The following CABP2 variants were observed in gnomAD, a reference collection of about 807,000 sequenced individuals.
CABP2 encodes calcium binding protein 2, also known as calcium-binding protein 2.
A neutral mutation model predicts 28.6 loss-of-function variants in CABP2; 25 were observed. That is an observed-to-expected ratio of 0.87 (90% confidence interval 0.64 to 1.22). The LOEUF is 1.22. Among genes scored for constraint, CABP2 ranks in the 50% most tolerant of loss-of-function variants. CABP2 has a pLI of 0.00. For synonymous variants in CABP2, 138 were observed against 126.0 expected (o/e 1.09, Z -0.64); for missense variants, 310 against 312.2 (o/e 0.99, Z 0.05).
At chr11:67,522,468 G>A in intron 2 of CABP2, 78 bp downstream of exon 2, 1 of 1,460,590 alleles carries the variant, frequency 6.8e-7, no homozygotes, top group Non-Finnish European at 9.4e-7. Flanking sequence ...GTGGGCTGGA[G>A]TGCGAGGGGC....
chr11:67,519,014 G>T lies in CABP2; in HGVS notation c.*125C>A. 9.9e-7 allele frequency: 1 copy of T among 1,014,138 alleles called. No individual in the cohort carries two copies. The allele number at this position is 1,014,138 out of a possible 1,614,324, so 62.8% of individuals were successfully genotyped here. ...GGGGGTGAAGGCAGGCAAGGGCACT[G>T]CACACAGGTGGGATGGGGAGGAAAG... On this transcript the variant is annotated 3_prime_UTR_variant, in exon 7 of 7. Coordinates refer to ENST00000294288, the MANE Select transcript of CABP2 (RefSeq NM_016366.3).
chr11:67,521,883 TG>T, intron 3 of CABP2, 68 bp downstream of exon 3: 4 of 122,256 alleles, frequency 3.3e-5, no homozygotes, highest in East Asian at 1.5e-4. Context: ...CCCCCAACCC[TG>T]TGTCCCCACC....
Position 67,522,582 on chromosome 11 carries a change from G to A in CABP2, c.177C>T (p.Cys59=). ...SVLNSLVGPA[C]IFLRPSIAAT... The stretch of plus-strand genomic sequence containing the variant: ...CGGCAATGCTGGGCCGCAGGAAGAT[G>A]CAGGCAGGCCCCACCAGGCTGTTGA... The change falls in exon 2 of 7, where the codon TGC becomes TGT. Residue 59 remains cysteine (C), a synonymous_variant. Coordinates refer to ENST00000294288, the MANE Select transcript of CABP2 (RefSeq NM_016366.3). 6.4e-7 allele frequency: 1 copy of A among 1,554,750 alleles called. No homozygotes were observed.
rs1866698397 is a variant in CABP2 at position 67,518,984 on chromosome 11, G to A, written c.*155C>T. On this transcript the variant is annotated 3_prime_UTR_variant, in exon 7 of 7. Coordinates refer to ENST00000294288, the MANE Select transcript of CABP2 (RefSeq NM_016366.3). ...GCCAGGCGGCTTTATTGGAGAAGTGGTGGTGGGGGTGAAGGCAGGCAAGGG... is the reference window on the plus strand; with the variant it reads ...GCCAGGCGGCTTTATTGGAGAAGTGATGGTGGGGGTGAAGGCAGGCAAGGG... 4 of 696,220 alleles carry A rather than the reference G, an allele frequency of 5.7e-6. No individual in the cohort carries two copies. The Admixed American group carries it at 1.0e-4, about 17-fold the overall frequency. 43.1% of individuals were successfully genotyped at this position (696,220 alleles called of 1,614,324 possible).
At chr11:67,523,209 G>A in intron 1 of CABP2, 76 bp downstream of exon 1, 1 of 1,239,650 alleles carries the variant, frequency 8.1e-7, no homozygotes, top group Non-Finnish European at 1.2e-6. Flanking sequence ...GCCCTCGGAG[G>A]GCTCTGCCCA....
Position 67,519,957 on chromosome 11 carries a change from T to G in CABP2, c.490-17A>C. 6.2e-7 allele frequency: 1 copy of G among 1,601,718 alleles called. No individual in the cohort carries two copies. The highest frequency in any genetic ancestry group is 1.1e-5 in the South Asian group (1 of 90,730). ...GGTGTCGAACTGTGGCGGCGTTGGT[T>G]GTGGCGTCTGGTCACTGACAGTCAT... On this transcript the variant is annotated splice_polypyrimidine_tract_variant and intron_variant, in intron 5 of 6. Coordinates refer to ENST00000294288, the MANE Select transcript of CABP2 (RefSeq NM_016366.3).
intron 6 of CABP2, 103 bp downstream of exon 6, chr11:67,519,690 T>C: frequency 9.3e-7 from 1 of 1,073,034 alleles, no homozygotes. Context: ...GACATGGGAG[T>C]GCGTGGCACA....
chr11:67,521,787 T>C (rs1866750421), intron 3 of CABP2, among the ~76,000 whole-genome samples, 165 bp downstream of exon 3: 1 of 152,050 alleles, frequency 6.6e-6, no homozygotes, highest in Non-Finnish European at 1.5e-5. Context: ...CCCTGCTCAG[T>C]CTTGTCCCCA....
At position 67,521,071 on chromosome 11, in the gene CABP2, G is replaced by A. The variant is rs1866740142; in HGVS notation, c.333C>T (p.Gly111=). 2 of 1,601,022 alleles carry A rather than the reference G, an allele frequency of 1.2e-6. No individual in the cohort carries two copies. Among genetic ancestry groups the A allele is most frequent in the Non-Finnish European group, 1.7e-6 (2 of 1,173,838 alleles). The part of the protein sequence containing the change: ...RELGACMRTL[G]YMPTEMELIE... ...TGAGCTCCATCTCGGTGGGCATGTA[G>A]CCCAGGGTCCGCATGCAGGCACCCA... The change falls in exon 4 of 7, where the codon GGC becomes GGT. Residue 111 remains glycine (G), a synonymous_variant. Transcript: ENST00000294288.
At chr11:67,521,870 G>GGCCCCCCCCCCCCGGGGGGC in intron 3 of CABP2, 82 bp downstream of exon 3, 1 of 470,124 alleles carries the variant, frequency 2.1e-6, no homozygotes, top group East Asian at 3.7e-5. Context: ...CCCACCCGAT[G>GGCCCCCCCCCCCCGGGGGGC]CCCCCCCAAC....
rs1437899767 is a variant in CABP2 at position 67,519,949 on chromosome 11, G to A, written c.490-9C>T. The A allele has an allele frequency of 1.9e-6, 3 of 1,603,456 alleles. No individual in the cohort carries two copies. In the African/African-American group the frequency reaches 4.0e-5, roughly 21 times the overall value. On this transcript the variant is annotated splice_polypyrimidine_tract_variant and intron_variant, in intron 5 of 6. Transcript: ENST00000294288. The stretch of plus-strand genomic sequence containing the variant: ...TCCCCATTGGTGTCGAACTGTGGCG[G>A]CGTTGGTTGTGGCGTCTGGTCACTG...
In CABP2 at chr11:67,519,008, G is replaced by T; in HGVS notation, c.*131C>A. The T allele has an allele frequency of 1.1e-6, 1 of 900,902 alleles. No homozygotes were observed. Among genetic ancestry groups the T allele is most frequent in the African/African-American group, 1.7e-5 (1 of 60,316 alleles). 55.8% of individuals were successfully genotyped at this position (900,902 alleles called of 1,614,324 possible). ...GGTGGTGGGGGTGAAGGCAGGCAAG[G>T]GCACTGCACACAGGTGGGATGGGGA... On this transcript the variant is annotated 3_prime_UTR_variant, in exon 7 of 7. Coordinates refer to ENST00000294288, the MANE Select transcript of CABP2 (RefSeq NM_016366.3).
rs1307037723 is a variant in CABP2, at chr11:67,523,289, G to A, written c.38C>T (p.Pro13Leu). 3.2e-6 allele frequency: 5 copies of A among 1,555,162 alleles called. No individual in the cohort carries two copies. In the South Asian group the frequency reaches 4.7e-5, roughly 15 times the overall value. Reference sequence around the variant, plus strand: ...TTCTCCCCTGACCCCTCCTACCTTAGGGCCCCGGCGCCAGGGCCGCTTGGC... The same window carrying A: ...TTCTCCCCTGACCCCTCCTACCTTAAGGCCCCGGCGCCAGGGCCGCTTGGC... ...NCAKRPWRRG[P>L]KDPLQWLGSP... Residue 13 changes from proline (P) to leucine (L), a missense_variant, in exon 1 of 7, where the codon CCT (proline) becomes CTT (leucine). Coordinates refer to ENST00000294288, the MANE Select transcript of CABP2 (RefSeq NM_016366.3).
At chr11:67,521,931 G>GT in intron 3 of CABP2, 21 bp downstream of exon 3, 2 of 1,333,068 alleles carry the variant, frequency 1.5e-6, no homozygotes, top group South Asian at 2.3e-5. Flanking sequence ...CAGGGAACCA[G>GT]TTCCTTCTCC....
Position 67,521,150 on chromosome 11 carries a change from A to T in CABP2, c.254T>A (p.Val85Asp), listed in dbSNP as rs1591078961. Reference protein sequence around the residue: ...LRPEEIEELQVAFQEFDRDRD... With the variant: ...LRPEEIEELQDAFQEFDRDRD... Reference sequence around the variant, plus strand: ...GTCTCGGTCAAACTCCTGGAAGGCGACCTGCAGCTCTGCCAGGCAGGGTGG... The same window carrying T: ...GTCTCGGTCAAACTCCTGGAAGGCGTCCTGCAGCTCTGCCAGGCAGGGTGG... Residue 85 changes from valine (V) to aspartate (D), a missense_variant, in exon 4 of 7, where the codon GTC becomes GAC. Val to Asp is a radical substitution (Grantham distance 152). Transcript: ENST00000294288. The T allele has an allele frequency of 6.2e-7, 1 of 1,612,312 alleles. No individual in the cohort carries two copies. Among genetic ancestry groups the T allele is most frequent in the Non-Finnish European group, 8.5e-7 (1 of 1,179,910 alleles).
In CABP2 at chr11:67,519,804, A is replaced by G; in HGVS notation, c.626T>C (p.Val209Ala). The change falls in exon 6 of 7, where the codon GTC (valine) becomes GCC (alanine). Residue 209 changes from valine (V) to alanine (A), a missense_variant. Transcript: ENST00000294288. ...QDVDLNGDGL[V>A]DFEEFVRMMS... is the part of the protein sequence containing the mutation. ...GCGGCAGGGGGTACCTTCGAAGTCG[A>G]CCAGACCGTCCCCATTGAGGTCCAC... 6.2e-7 allele frequency: 1 copy of G among 1,613,870 alleles called. No individual in the cohort carries two copies. Among genetic ancestry groups the G allele is most frequent in the Non-Finnish European group, 8.5e-7 (1 of 1,179,878 alleles).
intron 6 of CABP2, 109 bp downstream of exon 6, chr11:67,519,673 AGGAGAGGACAT>A: frequency 1.1e-6 from 1 of 882,672 alleles, no homozygotes; most frequent in Non-Finnish European, 1.8e-6. Context: ...ATAATTAACT[AGGAGAGGACAT>A]GGGAGTGCGT....
chr11:67,520,552 G>A (rs535353879), intron 4 of CABP2, among the ~76,000 whole-genome samples: 1 of 152,232 alleles, frequency 6.6e-6, no homozygotes, highest in East Asian at 1.9e-4. Context: ...CAGCTACTCA[G>A]GAGGCTGAGG....
intron 4 of CABP2, among the ~76,000 whole-genome samples, chr11:67,520,695 C>A (rs893158409): frequency 2.0e-5 from 3 of 152,078 alleles, no homozygotes; most frequent in Non-Finnish European, 4.4e-5. Context: ...ACAAAAAAAC[C>A]AAAAAACTTC....
Sources: gnomAD v4.1 joint callset for allele counts (sites outside exome capture counted in the v4.1 genomes callset) on GRCh38, gnomAD v4.1.1 for gene constraint, MANE v1.5 for transcripts, NCBI Gene and HGNC (gene_info 2026-07-23, HGNC 2026-07-21) for gene names.